LIMCH1: variants seen among roughly 807,000 people sequenced by gnomAD.
The protein encoded by LIMCH1 is LIM and calponin homology domains-containing protein 1.
Under a neutral mutation model 176.5 loss-of-function variants are expected in LIMCH1, and 113 were observed. That is an observed-to-expected ratio of 0.64 (90% CI 0.55 to 0.75). The LOEUF is 0.75. LIMCH1 is among the 30% of genes least tolerant of loss of function. The pLI is 0.00. For synonymous variants in LIMCH1, 619 were observed against 645.9 expected (o/e 0.96, Z 0.63); for missense variants, 1,674 against 1,814.9 (o/e 0.92, Z 1.41).
intron 1 of LIMCH1, among the ~76,000 whole-genome samples, chr4:41,369,423 G>A (rs1247272593): frequency 6.6e-6 from 1 of 152,184 alleles, no homozygotes. Flanking sequence ...CAGGAGTAAT[G>A]CTCAGATAAT....
intron 1 of LIMCH1, among the ~76,000 whole-genome samples, chr4:41,487,222 A>C (rs115538564): frequency 6.6e-6 from 1 of 152,088 alleles, no homozygotes; most frequent in African/African-American, 2.4e-5. Flanking sequence ...CTAAGGGCCA[A>C]ATTTTCAGTG....
At chr4:41,540,151 A>G (rs1282039268) in intron 1 of LIMCH1, among the ~76,000 whole-genome samples, 1 of 152,208 alleles carries the variant, frequency 6.6e-6, no homozygotes, top group Non-Finnish European at 1.5e-5. Context: ...GTCTGTAAAA[A>G]TGGACATAAT....
At chr4:41,679,814 G>C (rs1189749119) in intron 23 of LIMCH1, among the ~76,000 whole-genome samples, 192 bp from the exon 24 acceptor site, 1 of 152,126 alleles carries the variant, frequency 6.6e-6, no homozygotes, top group Admixed American at 6.5e-5. Flanking sequence ...GCTGTCCATT[G>C]GATTATGTTC....
upstream of LIMCH1, among the ~76,000 whole-genome samples, chr4:41,534,625 T>TA (rs935387686): frequency 3.3e-5 from 5 of 152,202 alleles, no homozygotes; most frequent in Admixed American, 6.5e-5. Flanking sequence ...AGGAAAAAGT[T>TA]ACAAAAAATT....
At chr4:41,391,329 G>A (rs187464571) in intron 1 of LIMCH1, among the ~76,000 whole-genome samples, 1 of 152,080 alleles carries the variant, frequency 6.6e-6, no homozygotes, top group Non-Finnish European at 1.5e-5. Context: ...ATTTCAAAAC[G>A]TGCCACCTGG....
chr4:41,386,843 A>G (rs973506874), intron 1 of LIMCH1, among the ~76,000 whole-genome samples: 1 of 152,240 alleles, frequency 6.6e-6, no homozygotes, highest in Non-Finnish European at 1.5e-5. Flanking sequence ...TGTGCATGAC[A>G]TCCAGGGGTG....
chr4:41,589,975 C>T (rs1289397948), intron 1 of LIMCH1, among the ~76,000 whole-genome samples: 2 of 152,182 alleles, frequency 1.3e-5, no homozygotes, highest in East Asian at 3.9e-4. Flanking sequence ...TACCTGAAAT[C>T]CCATCTTTCC....
At chr4:41,421,208 T>C (rs73810238) in intron 1 of LIMCH1, among the ~76,000 whole-genome samples, 17,010 of 152,256 alleles carry the variant, frequency 0.11, 1,154 homozygotes, top group African/African-American at 0.19. Flanking sequence ...TGGTTCCTTA[T>C]GGTAAAGTGG....
At chr4:41,376,906 A>G (rs116629140) in intron 1 of LIMCH1, among the ~76,000 whole-genome samples, 3,613 of 152,304 alleles carry the variant, frequency 0.024, 127 homozygotes, top group African/African-American at 0.081. Context: ...TGCAGTACTT[A>G]GTGAAAAACT....
intron 1 of LIMCH1, among the ~76,000 whole-genome samples, chr4:41,455,208 G>A (rs2064430380): frequency 6.6e-6 from 1 of 152,174 alleles, no homozygotes; most frequent in African/African-American, 2.4e-5. Flanking sequence ...CAATTATAGT[G>A]TTTAAAAGTA....
intron 1 of LIMCH1, among the ~76,000 whole-genome samples, chr4:41,472,452 C>T (rs1247793798): frequency 2.6e-5 from 4 of 151,858 alleles, no homozygotes; most frequent in African/African-American, 9.7e-5. Flanking sequence ...CAGGGTCTCA[C>T]TCTGTCACCC....
chr4:41,690,463 C>A (rs1014552086), intron 30 of LIMCH1, among the ~76,000 whole-genome samples: 3 of 152,254 alleles, frequency 2.0e-5, no homozygotes, highest in Non-Finnish European at 4.4e-5. Context: ...ATCAGCATAT[C>A]CTGTATTTTC....
intron 5 of LIMCH1, among the ~76,000 whole-genome samples, chr4:41,613,962 C>A (rs778645404): frequency 2.6e-5 from 4 of 152,168 alleles, no homozygotes; most frequent in African/African-American, 9.7e-5. Context: ...ACTGTGCAGA[C>A]CATTAGCTCA....
intron 1 of LIMCH1, among the ~76,000 whole-genome samples, chr4:41,388,964 A>G (rs759507978): frequency 4.1e-4 from 62 of 152,238 alleles, no homozygotes; most frequent in Non-Finnish European, 7.8e-4. Context: ...TTTTTTAAAC[A>G]TAATGAATGG....
intron 15 of LIMCH1, among the ~76,000 whole-genome samples, chr4:41,644,868 A>T (rs1345475327): frequency 2.0e-5 from 3 of 152,100 alleles, no homozygotes; most frequent in Admixed American, 2.0e-4. Flanking sequence ...AAAAGAGGGG[A>T]GGGGAGGCAG....
intron 1 of LIMCH1, among the ~76,000 whole-genome samples, chr4:41,444,313 TACACACAC>T (rs71198657): frequency 0.079 from 10,639 of 134,074 alleles, 401 homozygotes; most frequent in South Asian, 0.11. Context: ...TGTATATATA[TACACACAC>T]ACACACACAC....
At chr4:41,680,457 G>A (rs565264023) in intron 24 of LIMCH1, among the ~76,000 whole-genome samples, 1 of 152,224 alleles carries the variant, frequency 6.6e-6, no homozygotes, top group South Asian at 2.1e-4. Context: ...AATTTTATGA[G>A]GATAATTTTG....
chr4:41,456,256 C>T (rs1404944641), intron 1 of LIMCH1, among the ~76,000 whole-genome samples: 1 of 152,038 alleles, frequency 6.6e-6, no homozygotes, highest in Admixed American at 6.5e-5. Flanking sequence ...AGGTTTATGT[C>T]AATTTTTGTT....
chr4:41,631,050 G>A, intron 9 of LIMCH1, 98 bp from the exon 10 acceptor site: 1 of 1,053,142 alleles, frequency 9.5e-7, no homozygotes, highest in East Asian at 2.6e-5. Context: ...TGATAGGGAG[G>A]GCCAACTACT....
Sources: allele counts gnomAD v4.1 joint callset (sites outside exome capture counted in the v4.1 genomes callset), GRCh38; gene constraint gnomAD v4.1.1; transcripts MANE v1.5; gene names NCBI Gene and HGNC (gene_info 2026-07-23, HGNC 2026-07-21).